Variants in TAS2R1 observed in about 807,000 individuals in gnomAD.
TAS2R1 encodes taste 2 receptor member 1.
For synonymous variants in TAS2R1, 141 were observed against 134.2 expected, an observed-to-expected ratio of 1.05 and a Z score of -0.35; for missense variants, 370 against 353.4, an observed-to-expected ratio of 1.05 and a Z score of -0.38.
At chr5:9,663,792 T>C (rs1740580652) in intron 1 of TAS2R1, among the ~76,000 whole-genome samples, 1 of 152,168 alleles carries the variant, frequency 6.6e-6, no homozygotes, top group Non-Finnish European at 1.5e-5. Context: ...GATGAGATTA[T>C]CCTGGGTTAC....
chr5:9,862,501 T>C, the TAS2R1 span, among the ~76,000 whole-genome samples: 1 of 152,076 alleles, frequency 6.6e-6, no homozygotes, highest in Non-Finnish European at 1.5e-5. Context: ...TAATTCCCTA[T>C]TCCCTGGATA....
the TAS2R1 span, among the ~76,000 whole-genome samples, chr5:9,737,869 G>T: frequency 6.6e-6 from 1 of 152,120 alleles, no homozygotes; most frequent in South Asian, 2.1e-4. Context: ...TCAGATCTTT[G>T]TCCAAGGTGA....
chr5:9,744,030 G>A, the TAS2R1 span, among the ~76,000 whole-genome samples: 4 of 152,126 alleles, frequency 2.6e-5, no homozygotes, highest in African/African-American at 9.6e-5. Context: ...ACTCATGTTT[G>A]GATACTTTGG....
the TAS2R1 span, among the ~76,000 whole-genome samples, chr5:9,774,939 C>A: frequency 6.6e-6 from 1 of 152,210 alleles, no homozygotes; most frequent in Non-Finnish European, 1.5e-5. Flanking sequence ...CAGCTACCAC[C>A]AATATTCACT....
chr5:9,872,806 C>T, the TAS2R1 span, among the ~76,000 whole-genome samples: 1 of 152,180 alleles, frequency 6.6e-6, no homozygotes, highest in Non-Finnish European at 1.5e-5. Flanking sequence ...AAGATAATAA[C>T]CATACTCTGT....
chr5:9,714,774 A>G (rs929673881), upstream of TAS2R1, among the ~76,000 whole-genome samples: 1 of 152,254 alleles, frequency 6.6e-6, no homozygotes, highest in African/African-American at 2.4e-5. Flanking sequence ...TGCTGAACAC[A>G]TTTCCCAGCA....
chr5:9,885,268 T>C, the TAS2R1 span, among the ~76,000 whole-genome samples: 13 of 152,354 alleles, frequency 8.5e-5, no homozygotes, highest in South Asian at 2.1e-4. Context: ...TATGAAGTTA[T>C]GATTTCTTTA....
the TAS2R1 span, among the ~76,000 whole-genome samples, chr5:9,837,728 C>T: frequency 2.6e-5 from 4 of 152,192 alleles, no homozygotes; most frequent in Non-Finnish European, 4.4e-5. Context: ...ACACAGGAAC[C>T]GTCTTGGCTT....
chr5:9,638,601 T>C (rs568578713), intron 2 of TAS2R1, among the ~76,000 whole-genome samples: 2 of 152,294 alleles, frequency 1.3e-5, no homozygotes, highest in South Asian at 4.1e-4. Context: ...GCTGCAGTAG[T>C]AGCAGGGGGC....
the TAS2R1 span, among the ~76,000 whole-genome samples, chr5:9,818,522 G>A: frequency 1.3e-5 from 2 of 152,178 alleles, no homozygotes; most frequent in African/African-American, 4.8e-5. Flanking sequence ...AGCTCTTCTG[G>A]GCTCAGCTGC....
chr5:9,791,328 C>A, the TAS2R1 span, among the ~76,000 whole-genome samples: 1 of 152,154 alleles, frequency 6.6e-6, no homozygotes, highest in African/African-American at 2.4e-5. Context: ...TTCAGCAGGA[C>A]GAGTGCAATG....
At chr5:9,763,354 T>G in the TAS2R1 span, among the ~76,000 whole-genome samples, 7 of 151,910 alleles carry the variant, frequency 4.6e-5, no homozygotes, top group African/African-American at 1.7e-4. Context: ...AATACAAAAA[T>G]TAGCTGGGCA....
At chr5:9,780,509 T>G in the TAS2R1 span, among the ~76,000 whole-genome samples, 1 of 152,210 alleles carries the variant, frequency 6.6e-6, no homozygotes, top group Non-Finnish European at 1.5e-5. Flanking sequence ...CACTTGTTGC[T>G]TCTTCTCCAT....
At chr5:9,793,793 C>A in the TAS2R1 span, among the ~76,000 whole-genome samples, 1 of 152,096 alleles carries the variant, frequency 6.6e-6, no homozygotes, top group African/African-American at 2.4e-5. Context: ...CATAAAACAC[C>A]AGGAGGCATG....
the TAS2R1 span, among the ~76,000 whole-genome samples, chr5:9,732,879 C>T: frequency 0.042 from 6,347 of 152,270 alleles, 154 homozygotes; most frequent in Non-Finnish European, 0.058. Context: ...GAAACTCAGA[C>T]AGGAGCGGAT....
intron 2 of TAS2R1, among the ~76,000 whole-genome samples, chr5:9,652,772 G>A (rs1740332262): frequency 6.6e-6 from 1 of 151,974 alleles, no homozygotes; most frequent in Admixed American, 6.6e-5. Context: ...ACATATGTAT[G>A]GTATCAACAG....
chr5:9,827,571 T>TACACACACACACATAC, the TAS2R1 span, among the ~76,000 whole-genome samples: 1 of 149,216 alleles, frequency 6.7e-6, no homozygotes, highest in African/African-American at 2.5e-5. Flanking sequence ...TCCATCCCTA[T>TACACACACACACATAC]ACACACACAC....
At chr5:9,873,884 AAGGAG>A in the TAS2R1 span, among the ~76,000 whole-genome samples, 1 of 148,852 alleles carries the variant, frequency 6.7e-6, no homozygotes, top group South Asian at 2.2e-4. Context: ...AAAAAAAAAA[AAGGAG>A]GGGAGGGAAG....
the TAS2R1 span, among the ~76,000 whole-genome samples, chr5:9,840,857 A>ATTTATTTTTTTTTTTTTTTTTTTTTT: frequency 7.6e-6 from 1 of 132,086 alleles, no homozygotes; most frequent in African/African-American, 2.8e-5. Flanking sequence ...TTATTTATTT[A>ATTTATTTTTTTTTTTTTTTTTTTTTT]TTTTTTTTTT....
Sources: allele counts gnomAD v4.1 joint callset (sites outside exome capture counted in the v4.1 genomes callset), GRCh38; gene constraint gnomAD v4.1.1; transcripts MANE v1.5; gene names NCBI Gene and HGNC (gene_info 2026-07-23, HGNC 2026-07-21).